Variants in ARRDC4 observed in about 807,000 individuals in gnomAD.
ARRDC4 encodes arrestin domain containing 4.
A neutral mutation model predicts 44.6 loss-of-function variants in ARRDC4; 40 were observed. That is an observed-to-expected ratio of 0.90 (90% CI 0.70 to 1.17). The LOEUF (loss-of-function observed/expected upper bound fraction) is 1.17. ARRDC4 is among the 50% of genes most tolerant of loss of function. ARRDC4 has a pLI of 0.00. For synonymous variants in ARRDC4, 211 were observed against 221.2 expected, an observed-to-expected ratio of 0.95 and a Z score of 0.41; for missense variants, 550 against 559.1, an observed-to-expected ratio of 0.98 and a Z score of 0.16.
In ARRDC4 at chr15:97,965,833, CT is replaced by C. The variant is rs61281998; in HGVS notation, c.375-55del. 2.5e-6 allele frequency: 4 copies of C among 1,576,778 alleles called. No individual in the cohort carries two copies. Among genetic ancestry groups the C allele is most frequent in the South Asian group, 2.3e-5 (2 of 87,390 alleles). ...CCAACCTAAAACATTTTAAACCATG[CT>C]TTTTTTGGCTTTGTTTAACTGAAAA... On this transcript the variant is annotated intron_variant, in intron 2 of 7. Coordinates refer to ENST00000268042, the MANE Select transcript of ARRDC4 (RefSeq NM_183376.3). This position sits in a 1 kb window ranked among gnomAD's most constrained non-coding sequence, Gnocchi z 5.1.
rs201375946 is a variant in ARRDC4, at chr15:97,969,856, CTTTT to C, written c.883-14_883-11del. 1,251 of 1,347,250 alleles carry C rather than the reference CTTTT, an allele frequency of 9.3e-4. No homozygotes were observed. The highest frequency in any genetic ancestry group is 3.4e-3 in the South Asian group (216 of 63,404). 83.5% of individuals were successfully genotyped at this position (1,347,250 alleles called of 1,614,324 possible). A position where few individuals can be genotyped will look rare whatever the true frequency, so the allele number is the denominator to read the frequency against. ...GTGTAGCTTACATTTGTTCCTTTCTCTTTTTTTTTTTTTTTTGGCTTATTAGGTA... is the reference window on the plus strand; with the variant it reads ...GTGTAGCTTACATTTGTTCCTTTCTCTTTTTTTTTTTTGGCTTATTAGGTA... On this transcript the variant is annotated intron_variant, in intron 5 of 7. Coordinates refer to ENST00000268042, the MANE Select transcript of ARRDC4 (RefSeq NM_183376.3).
Position 97,960,721 on chromosome 15 carries a change from CCGGT to C in ARRDC4, c.-140_-137del, listed in dbSNP as rs1899290432. 7.2e-6 allele frequency: 5 copies of C among 691,500 alleles called. No homozygotes were observed. In the South Asian group the frequency reaches 3.2e-4, roughly 45 times the overall value. The allele number at this position is 691,500 out of a possible 1,614,324, so 42.8% of individuals were successfully genotyped here. ...TTAAAGCGACAGGCCTCTCGGCGAG[CCGGT>C]GCCCCATCGGGTACCGCACGGCTGC... On this transcript the variant is annotated 5_prime_UTR_variant, in exon 1 of 8. Coordinates refer to ENST00000268042, the MANE Select transcript of ARRDC4 (RefSeq NM_183376.3).
chr15:97,969,878 A>G lies in ARRDC4; in HGVS notation c.883-5A>G. 1 of 1,387,904 alleles carries G rather than the reference A, an allele frequency of 7.2e-7. No homozygotes were observed. 86.0% of individuals were successfully genotyped at this position (1,387,904 alleles called of 1,614,324 possible). On this transcript the variant is annotated splice_region_variant and splice_polypyrimidine_tract_variant and intron_variant, in intron 5 of 7. Transcript: ENST00000268042. ...TCTCTTTTTTTTTTTTTTTTGGCTT[A>G]TTAGGTATACATTCACATTCCTGGT...
chr15:97,965,370 G>GC lies in ARRDC4; in HGVS notation c.308-228dup, dbSNP rs1899397171. Among the ~76,000 whole-genome samples the GC allele has an allele frequency of 6.6e-6, 1 of 151,848 alleles. No individual in the cohort carries two copies. The highest frequency in any genetic ancestry group is 6.6e-5 in the Admixed American group (1 of 15,252). The stretch of plus-strand genomic sequence containing the variant: ...GATTGCTTGAGCCCAGGAGTTCAAG[G>GC]CCGTAGCACTCTGGCCTGGGCAATA... On this transcript the variant is annotated intron_variant, in intron 1 of 7. Coordinates refer to ENST00000268042, the MANE Select transcript of ARRDC4 (RefSeq NM_183376.3). The surrounding 1 kb of genome is among the most constrained non-coding windows in gnomAD (Gnocchi z 5.1).
chr15:97,965,782 T>TA lies in ARRDC4; in HGVS notation c.375-110dup. On this transcript the variant is annotated intron_variant, in intron 2 of 7. Coordinates refer to ENST00000268042, the MANE Select transcript of ARRDC4 (RefSeq NM_183376.3). This position sits in a 1 kb window ranked among gnomAD's most constrained non-coding sequence, Gnocchi z 5.1. ...ATGCATGTTTACACTGAATAGTCCC[T>TA]AAATAGACTTACTCTTTTTTTATTT... 1 of 1,503,598 alleles carries TA rather than the reference T, an allele frequency of 6.7e-7. No individual in the cohort carries two copies. The highest frequency in any genetic ancestry group is 9.2e-7 in the Non-Finnish European group (1 of 1,088,834). 93.1% of individuals were successfully genotyped at this position (1,503,598 alleles called of 1,614,324 possible).
In ARRDC4 at chr15:97,965,539, G is replaced by A; in HGVS notation, c.308-61G>A. ...CTTCCTTCAAAAAATTATTTACATTGTGAAAACTCTTGATCTAATACTAAC... is the reference window on the plus strand; with the variant it reads ...CTTCCTTCAAAAAATTATTTACATTATGAAAACTCTTGATCTAATACTAAC... On this transcript the variant is annotated intron_variant, in intron 1 of 7. Coordinates refer to ENST00000268042, the MANE Select transcript of ARRDC4 (RefSeq NM_183376.3). The surrounding 1 kb of genome is among the most constrained non-coding windows in gnomAD (Gnocchi z 5.1). 2.2e-6 allele frequency: 3 copies of A among 1,378,998 alleles called. No individual in the cohort carries two copies. Among genetic ancestry groups the A allele is most frequent in the Non-Finnish European group, 2.1e-6 (2 of 975,574 alleles). The allele number at this position is 1,378,998 out of a possible 1,614,324, so 85.4% of individuals were successfully genotyped here.
chr15:97,962,351 A>G (rs1567192785), intron 1 of ARRDC4, among the ~76,000 whole-genome samples: 1 of 152,154 alleles, frequency 6.6e-6, no homozygotes. Flanking sequence ...TCCTTCATGC[A>G]CTTTCCTCAG....
In ARRDC4 at chr15:97,961,013, C is replaced by A. The variant is rs1899303224; in HGVS notation, c.152C>A (p.Ala51Asp). ...HVLLEASEPV[A>D]LRALRLEAQG... The stretch of plus-strand genomic sequence containing the variant: ...CTGCTGGAGGCGTCCGAGCCGGTGG[C>A]CCTGCGCGCGCTGCGCCTGGAGGCC... Residue 51 changes from alanine (A) to aspartate (D), a missense_variant, in exon 1 of 8, where the codon GCC becomes GAC. Physicochemically the swap from Ala to Asp is moderately radical, Grantham distance 126. Coordinates refer to ENST00000268042, the MANE Select transcript of ARRDC4 (RefSeq NM_183376.3). 3.2e-5 allele frequency: 46 copies of A among 1,441,144 alleles called. No homozygotes were observed. Among genetic ancestry groups the A allele is most frequent in the Non-Finnish European group, 4.2e-5 (46 of 1,096,630 alleles). 89.3% of individuals were successfully genotyped at this position (1,441,144 alleles called of 1,614,324 possible).
At position 97,965,171 on chromosome 15, in the gene ARRDC4, CT is replaced by C. The variant is rs1899394981; in HGVS notation, c.308-428del. On this transcript the variant is annotated intron_variant, in intron 1 of 7. Transcript: ENST00000268042. This position sits in a 1 kb window ranked among gnomAD's most constrained non-coding sequence, Gnocchi z 5.1. ...ACTGGCCAAGTGCAGTAGCTCACCC[CT>C]ATAAGCTTAGTGCTTTGGGAGTCCA... 6.6e-6 allele frequency among the ~76,000 whole-genome samples: 1 copy of C among 152,158 alleles called. No homozygotes were observed. The highest frequency in any genetic ancestry group is 2.4e-5 in the African/African-American group (1 of 41,418).
Position 97,969,943 on chromosome 15 carries a change from A to G in ARRDC4, c.943A>G (p.Thr315Ala). Residue 315 changes from threonine to alanine, a missense_variant, in exon 6 of 8, where the codon ACA (threonine) becomes GCA (alanine). Transcript: ENST00000268042. ...LMLELPLVIGTIPYNGFGSRN... is the reference protein window; with the variant it reads ...LMLELPLVIGAIPYNGFGSRN... ...GCTCGAACTGCCATTAGTGATCGGT[A>G]CAATTCCATATAATGGTTTTGGCAG... 6.2e-7 allele frequency: 1 copy of G among 1,611,544 alleles called. No homozygotes were observed. Among genetic ancestry groups the G allele is most frequent in the Middle Eastern group, 1.7e-4 (1 of 5,994 alleles).
Position 97,971,144 on chromosome 15 carries a change from C to T in ARRDC4, c.1214C>T (p.Pro405Leu). 1.9e-6 allele frequency: 3 copies of T among 1,613,384 alleles called. No individual in the cohort carries two copies. The highest frequency in any genetic ancestry group is 2.5e-6 in the Non-Finnish European group (3 of 1,179,424). ...CTTTTTTTGCAGGTTGACCCACATC[C>T]TAGCGACGTAGAAGAGAGCCAGCCT... Reference protein sequence around the residue: ...PPLYSEVDPHPSDVEESQPVS... With the variant: ...PPLYSEVDPHLSDVEESQPVS... The change falls in exon 8 of 8, where the codon CCT becomes CTT. Residue 405 changes from proline (P) to leucine (L), a missense_variant. By Grantham distance (98) the Pro-to-Leu change is moderately conservative. Coordinates refer to ENST00000268042, the MANE Select transcript of ARRDC4 (RefSeq NM_183376.3).
rs1899544945 is a variant in ARRDC4 at position 97,973,246 on chromosome 15, A to G, written c.*2059A>G. The G allele has an allele frequency of 6.6e-6, 1 of 152,620 alleles. No homozygotes were observed. 9.5% of individuals were successfully genotyped at this position (152,620 alleles called of 1,614,324 possible). ...AGTTTAATTATTTGGTTCCATCTAG[A>G]AAAGCAACAACTTAAAGGAATCCTT... On this transcript the variant is annotated 3_prime_UTR_variant, in exon 8 of 8. Transcript: ENST00000268042.
Position 97,973,171 on chromosome 15 carries a change from A to G in ARRDC4, c.*1984A>G, listed in dbSNP as rs1391299143. The G allele has an allele frequency of 6.6e-6, 1 of 152,372 alleles. No individual in the cohort carries two copies. Among genetic ancestry groups the G allele is most frequent in the Non-Finnish European group, 1.5e-5 (1 of 68,016 alleles). The allele number at this position is 152,372 out of a possible 1,614,324, so 9.4% of individuals were successfully genotyped here. A position where few individuals can be genotyped will look rare whatever the true frequency, so the allele number is the denominator to read the frequency against. ...CCCTGCCAAGGCATTGTTCGACTCC[A>G]TGATACTAAAACATAATGAAAGAAA... is the stretch of plus-strand genomic sequence containing the variant. On this transcript the variant is annotated 3_prime_UTR_variant, in exon 8 of 8. Transcript: ENST00000268042.
chr15:97,966,256 T>C lies in ARRDC4; in HGVS notation c.522+214T>C, dbSNP rs1198763317. ...TTACAAATTGTGTGTGTTAATACTA[T>C]TGATTATGTCCCTGCTGTTCAGGGC... On this transcript the variant is annotated intron_variant, in intron 3 of 7. Coordinates refer to ENST00000268042, the MANE Select transcript of ARRDC4 (RefSeq NM_183376.3). The surrounding 1 kb of genome is among the most constrained non-coding windows in gnomAD (Gnocchi z 4.7). Among the ~76,000 whole-genome samples, 1 of 152,220 alleles carries C rather than the reference T, an allele frequency of 6.6e-6. No homozygotes were observed.
chr15:97,971,212 C>G lies in ARRDC4; in HGVS notation c.*25C>G. ...AACGTATTTCAGAAATCACTGTGTT[C>G]ATCATCAAATTAGAATGTTGGTTCT... On this transcript the variant is annotated 3_prime_UTR_variant, in exon 8 of 8. Coordinates refer to ENST00000268042, the MANE Select transcript of ARRDC4 (RefSeq NM_183376.3). 1 of 1,605,020 alleles carries G rather than the reference C, an allele frequency of 6.2e-7. No homozygotes were observed. The highest frequency in any genetic ancestry group is 8.5e-7 in the Non-Finnish European group (1 of 1,172,188).
chr15:97,971,878 G>T lies in ARRDC4; in HGVS notation c.*691G>T, dbSNP rs1330891501. The T allele has an allele frequency of 6.6e-6, 1 of 152,222 alleles. No homozygotes were observed. Among genetic ancestry groups the T allele is most frequent in the African/African-American group, 2.4e-5 (1 of 41,424 alleles). 9.4% of individuals were successfully genotyped at this position (152,222 alleles called of 1,614,324 possible). On this transcript the variant is annotated 3_prime_UTR_variant, in exon 8 of 8. Transcript: ENST00000268042. The stretch of plus-strand genomic sequence containing the variant: ...GCTTGTCGGTTCAAAGAGGAAAGAT[G>T]AATTTCAATGTGAAAACACGTTTTG...
Position 97,966,148 on chromosome 15 carries a change from C to G in ARRDC4, c.522+106C>G. On this transcript the variant is annotated intron_variant, in intron 3 of 7. Transcript: ENST00000268042. This position sits in a 1 kb window ranked among gnomAD's most constrained non-coding sequence, Gnocchi z 4.7. ...TTAGCCAGTTTACTGGTAGTCTGTC[C>G]TGTCACTTTCTGATGGCTTGGAAAA... 1 of 1,258,698 alleles carries G rather than the reference C, an allele frequency of 7.9e-7. No homozygotes were observed. The highest frequency in any genetic ancestry group is 1.1e-6 in the Non-Finnish European group (1 of 911,110). The allele number at this position is 1,258,698 out of a possible 1,614,324, so 78.0% of individuals were successfully genotyped here.
At position 97,971,482 on chromosome 15, in the gene ARRDC4, C is replaced by G; in HGVS notation, c.*295C>G. ...CAGAGTAAGTGAAAGGGTGCCTGCG[C>G]TGACGTGAGAGAAAGGAATCTGTAA... On this transcript the variant is annotated 3_prime_UTR_variant, in exon 8 of 8. Transcript: ENST00000268042. 1 of 372,668 alleles carries G rather than the reference C, an allele frequency of 2.7e-6. No homozygotes were observed. The highest frequency in any genetic ancestry group is 5.0e-6 in the Non-Finnish European group (1 of 199,148). 23.1% of individuals were successfully genotyped at this position (372,668 alleles called of 1,614,324 possible).
In ARRDC4 at chr15:97,965,131, T is replaced by C. The variant is rs999156163; in HGVS notation, c.308-469T>C. On this transcript the variant is annotated intron_variant, in intron 1 of 7. Transcript: ENST00000268042. This position sits in a 1 kb window ranked among gnomAD's most constrained non-coding sequence, Gnocchi z 5.1. Reference sequence around the variant, plus strand: ...TGTGTGTATGTATGTGTGAGTGTTATGGTACTTGGTAAAAACTGGCCAAGT... The same window carrying C: ...TGTGTGTATGTATGTGTGAGTGTTACGGTACTTGGTAAAAACTGGCCAAGT... Among the ~76,000 whole-genome samples, 2 of 152,204 alleles carry C rather than the reference T, an allele frequency of 1.3e-5. No individual in the cohort carries two copies. The highest frequency in any genetic ancestry group is 1.9e-4 in the East Asian group (1 of 5,192).
Sources: gnomAD v4.1 joint callset for allele counts (sites outside exome capture counted in the v4.1 genomes callset) on GRCh38, gnomAD v4.1.1 for gene constraint, Gnocchi (gnomAD v3.1) non-coding constraint, MANE v1.5 for transcripts, NCBI Gene and HGNC (gene_info 2026-07-23, HGNC 2026-07-21) for gene names.